IQGAP3: variants seen among roughly 807,000 people sequenced by gnomAD.
IQGAP3 encodes the protein IQ motif containing GTPase activating protein 3, also known as ras GTPase-activating-like protein IQGAP3.
IQGAP3 carries 165 observed loss-of-function variants against 208.2 expected under a neutral mutation model. That is an observed-to-expected ratio of 0.79 (90% CI 0.70 to 0.90). The LOEUF (loss-of-function observed/expected upper bound fraction) is 0.90. Ranked by LOEUF, IQGAP3 falls within the 40% of genes least tolerant of loss-of-function variation. IQGAP3 has a pLI of 0.00. For missense variants in IQGAP3, 1,811 were observed against 2,043.1 expected, an observed-to-expected ratio of 0.89 and a Z score of 2.19; for synonymous variants, 703 against 803.6, an observed-to-expected ratio of 0.87 and a Z score of 2.12.
Position 156,566,123 on chromosome 1 carries a change from GA to G in IQGAP3, c.283-20del. 1 of 1,607,298 alleles carries G rather than the reference GA, an allele frequency of 6.2e-7. No homozygotes were observed. Among genetic ancestry groups the G allele is most frequent in the Non-Finnish European group, 8.5e-7 (1 of 1,173,920 alleles). ...CAGTTGCCTGAAAGGGAAGGAAAAA[GA>G]AAATCTATTTCCACAGTTCTCAGCA... On this transcript the variant is annotated intron_variant, in intron 3 of 37. Transcript: ENST00000361170.
intron 34 of IQGAP3, among the ~76,000 whole-genome samples, chr1:156,529,717 G>A (rs1286759743): frequency 1.3e-5 from 2 of 151,886 alleles, no homozygotes; most frequent in Non-Finnish European, 2.9e-5. Context: ...TCAGGAGTTC[G>A]AAACCAGCCA....
Position 156,537,334 on chromosome 1 carries a change from A to G in IQGAP3, c.3282-13T>C. 1 of 1,607,122 alleles carries G rather than the reference A, an allele frequency of 6.2e-7. No individual in the cohort carries two copies. Among genetic ancestry groups the G allele is most frequent in the South Asian group, 1.1e-5 (1 of 90,256 alleles). The stretch of plus-strand genomic sequence containing the variant: ...ATATGGGAGATGGCTATGAGCAGAG[A>G]GAGACAAGGTGTAAGCAGGAGCCCC... On this transcript the variant is annotated splice_polypyrimidine_tract_variant and intron_variant, in intron 26 of 37. Coordinates refer to ENST00000361170, the MANE Select transcript of IQGAP3 (RefSeq NM_178229.5).
At chr1:156,542,149 A>G (rs1675017359) in intron 22 of IQGAP3, among the ~76,000 whole-genome samples, 1 of 152,206 alleles carries the variant, frequency 6.6e-6, no homozygotes, top group East Asian at 1.9e-4. Flanking sequence ...TCACATGTAC[A>G]GGTTTAATGG....
At chr1:156,534,202 C>G in intron 29 of IQGAP3, 61 bp from the exon 30 acceptor site, 1 of 1,603,634 alleles carries the variant, frequency 6.2e-7, no homozygotes. Context: ...CATCTTCTGT[C>G]CCCATCATTT....
In IQGAP3 at chr1:156,563,544, A is replaced by C; in HGVS notation, c.619+9T>G. On this transcript the variant is annotated intron_variant, in intron 7 of 37. Transcript: ENST00000361170. ...GCCTACTCCTGGCAGGGCAGAGCCTAGTCCTTACCTGCAGCCTCATCCACC... is the reference window on the plus strand; with the variant it reads ...GCCTACTCCTGGCAGGGCAGAGCCTCGTCCTTACCTGCAGCCTCATCCACC... 1 of 1,606,606 alleles carries C rather than the reference A, an allele frequency of 6.2e-7. No homozygotes were observed. Among genetic ancestry groups the C allele is most frequent in the Non-Finnish European group, 8.5e-7 (1 of 1,174,320 alleles).
chr1:156,550,456 C>G, intron 15 of IQGAP3, 105 bp from the exon 16 acceptor site: 8 of 763,756 alleles, frequency 1.0e-5, no homozygotes, highest in Non-Finnish European at 1.8e-5. Context: ...GCATTGGGAG[C>G]CACAGGGACA....
intron 29 of IQGAP3, 27 bp downstream of exon 29, chr1:156,534,474 G>C: frequency 6.8e-7 from 1 of 1,476,564 alleles, no homozygotes; most frequent in South Asian, 1.3e-5. Flanking sequence ...GGGAAGAAAG[G>C]GGACAGAGAG....
chr1:156,527,180 G>A (rs539411280), intron 37 of IQGAP3, among the ~76,000 whole-genome samples: 1 of 151,368 alleles, frequency 6.6e-6, no homozygotes, highest in Non-Finnish European at 1.5e-5. Flanking sequence ...AAAAAGATTT[G>A]GATTAAAAAC....
chr1:156,534,631 G>T lies in IQGAP3; in HGVS notation c.3610C>A (p.Pro1204Thr). 2 of 1,612,004 alleles carry T rather than the reference G, an allele frequency of 1.2e-6. No individual in the cohort carries two copies. The highest frequency in any genetic ancestry group is 1.7e-6 in the Non-Finnish European group (2 of 1,179,694). Residue 1204 changes from proline to threonine, a missense_variant, in exon 29 of 38, where the codon CCC (proline) becomes ACC (threonine). Transcript: ENST00000361170. ...ACAGCCCCCAGGGCATGGCGCTGGG[G>T]GGCAGCCAGGGCTCCACCAGCTGCC... ...AMAAGGALAA[P>T]QRHALGAVAQ... is the part of the protein sequence containing the mutation.
At chr1:156,562,441 T>C in intron 9 of IQGAP3, 146 bp downstream of exon 9, 1 of 692,668 alleles carries the variant, frequency 1.4e-6, no homozygotes, top group Non-Finnish European at 2.6e-6. Flanking sequence ...CACATACTCC[T>C]TGGACTCTGA....
Position 156,531,250 on chromosome 1 carries a change from G to A in IQGAP3, c.4104-3C>T. ...TATCGGCCAACAGCTGCTTGGTGCT[G>A]CACAAGGAGGACAGTGACAGAGGAG... is the stretch of plus-strand genomic sequence containing the variant. On this transcript the variant is annotated splice_region_variant and splice_polypyrimidine_tract_variant and intron_variant, in intron 32 of 37. Transcript: ENST00000361170. 6.2e-7 allele frequency: 1 copy of A among 1,611,904 alleles called. No individual in the cohort carries two copies. The highest frequency in any genetic ancestry group is 8.5e-7 in the Non-Finnish European group (1 of 1,178,168).
chr1:156,553,639 T>C (rs2102414589), intron 13 of IQGAP3, among the ~76,000 whole-genome samples: 1 of 147,542 alleles, frequency 6.8e-6, no homozygotes, highest in Non-Finnish European at 1.5e-5. Flanking sequence ...TGGAGTGCAA[T>C]GGTGCGATCT....
In IQGAP3 at chr1:156,534,637, C is replaced by T. The variant is rs1237110261; in HGVS notation, c.3604G>A (p.Ala1202Thr). The T allele has an allele frequency of 6.2e-7, 1 of 1,611,862 alleles. No individual in the cohort carries two copies. The highest frequency in any genetic ancestry group is 1.1e-5 in the South Asian group (1 of 90,876). The change falls in exon 29 of 38, where the codon GCT becomes ACT. Residue 1202 changes from alanine to threonine, a missense_variant. By Grantham distance (58) the Ala-to-Thr change is moderately conservative. Transcript: ENST00000361170. ...IVAMAAGGALAAPQRHALGAV... is the reference protein window; with the variant it reads ...IVAMAAGGALTAPQRHALGAV... ...CCCAGGGCATGGCGCTGGGGGGCAG[C>T]CAGGGCTCCACCAGCTGCCATGGCC...
In IQGAP3 at chr1:156,563,630, T is replaced by G. The variant is rs772293409; in HGVS notation, c.542A>C (p.Lys181Thr). The G allele has an allele frequency of 6.2e-7, 1 of 1,612,800 alleles. No homozygotes were observed. The highest frequency in any genetic ancestry group is 1.1e-5 in the South Asian group (1 of 90,922). The change falls in exon 7 of 38, where the codon AAA (lysine) becomes ACA (threonine). Residue 181 changes from lysine to threonine, a missense_variant. Coordinates refer to ENST00000361170, the MANE Select transcript of IQGAP3 (RefSeq NM_178229.5). ...ELSNMASELA[K>T]YGLQLPAFSK... is the part of the protein sequence containing the mutation. ...GAAGGCAGGCAGCTGGAGGCCATAT[T>G]TGGCCAGTTCGGACGCCATGTTGCT...
chr1:156,548,693 C>A lies in IQGAP3; in HGVS notation c.1881G>T (p.Gln627His). The change falls in exon 17 of 38, where the codon CAG (glutamine) becomes CAT (histidine). Residue 627 changes from glutamine (Q) to histidine (H), a missense_variant. Physicochemically the swap from Gln to His is conservative, Grantham distance 24. Transcript: ENST00000361170. Reference protein sequence around the residue: ...NQAIKEGKAAQTERVLRNPAV... With the variant: ...NQAIKEGKAAHTERVLRNPAV... Reference sequence around the variant, plus strand: ...CGGGGTTCCTCAACACCCGCTCAGTCTGGGCTGCCTTGCCCTCCTTGATGG... The same window carrying A: ...CGGGGTTCCTCAACACCCGCTCAGTATGGGCTGCCTTGCCCTCCTTGATGG... 2 of 1,609,486 alleles carry A rather than the reference C, an allele frequency of 1.2e-6. No individual in the cohort carries two copies. The highest frequency in any genetic ancestry group is 8.5e-7 in the Non-Finnish European group (1 of 1,177,174).
intron 10 of IQGAP3, 137 bp from the exon 11 acceptor site, chr1:156,561,158 T>C: frequency 1.7e-6 from 1 of 591,294 alleles, no homozygotes; most frequent in Non-Finnish European, 3.0e-6. Context: ...GCTGGCTCAC[T>C]CATCCCTATT....
chr1:156,531,802 AC>A (rs561678961), intron 32 of IQGAP3, among the ~76,000 whole-genome samples: 3,018 of 151,554 alleles, frequency 0.02, 56 homozygotes, highest in Non-Finnish European at 0.032. Flanking sequence ...ATGGGGTTTC[AC>A]CATGTTGGCC....
At chr1:156,542,511 T>C (rs1249613895) in intron 22 of IQGAP3, among the ~76,000 whole-genome samples, 3 of 151,812 alleles carry the variant, frequency 2.0e-5, no homozygotes, top group Admixed American at 2.0e-4. Flanking sequence ...CTTTGAGGAG[T>C]GAAGAAGGGT....
At chr1:156,562,748 T>A (rs1481818134) in intron 8 of IQGAP3, 83 bp from the exon 9 acceptor site, 1 of 1,244,334 alleles carries the variant, frequency 8.0e-7, no homozygotes, top group African/African-American at 1.5e-5. Context: ...CTACACTTAT[T>A]TCTTCTTCTG....
Sources: allele counts gnomAD v4.1 joint callset (sites outside exome capture counted in the v4.1 genomes callset), GRCh38; gene constraint gnomAD v4.1.1; transcripts MANE v1.5; gene names NCBI Gene and HGNC (gene_info 2026-07-23, HGNC 2026-07-21).